LIPC: variants seen among roughly 807,000 people sequenced by gnomAD.
LIPC encodes the protein lipase C, hepatic type.
Under a neutral mutation model 50.7 loss-of-function variants are expected in LIPC, and 44 were observed. That is an observed-to-expected ratio of 0.87 (90% CI 0.68 to 1.11). LIPC has a LOEUF of 1.11. LIPC is among the 50% of genes most tolerant of loss of function. The pLI is 0.00. For missense variants in LIPC, 697 were observed against 648.2 expected, an observed-to-expected ratio of 1.08 and a Z score of -0.82; for synonymous variants, 271 against 256.4, an observed-to-expected ratio of 1.06 and a Z score of -0.54.
chr15:58,506,622 A>ACAGACT (rs1453338589), intron 1 of LIPC, among the ~76,000 whole-genome samples: 1 of 152,180 alleles, frequency 6.6e-6, no homozygotes, highest in Non-Finnish European at 1.5e-5. Context: ...TCTACATGAT[A>ACAGACT]CAGACTGCTG....
In LIPC at chr15:58,459,183, G is replaced by T. The variant is rs567000440; in HGVS notation, c.88+27063G>T. Among the ~76,000 whole-genome samples, 7 of 152,272 alleles carry T rather than the reference G, an allele frequency of 4.6e-5. No homozygotes were observed. The South Asian group carries it at 6.2e-4, about 14-fold the overall frequency. On this transcript the variant is annotated intron_variant, in intron 1 of 8. Coordinates refer to ENST00000299022, the MANE Select transcript of LIPC (RefSeq NM_000236.3). Reference sequence around the variant, plus strand: ...AAAACCAAAGGCCCAGTGGACATCAGGAGGAGATGGCCTCCCTCACTGCAA... The same window carrying T: ...AAAACCAAAGGCCCAGTGGACATCATGAGGAGATGGCCTCCCTCACTGCAA...
At position 58,503,937 on chromosome 15, in the gene LIPC, C is replaced by G. The variant is rs569762418; in HGVS notation, c.89-34396C>G. 3.9e-5 allele frequency among the ~76,000 whole-genome samples: 6 copies of G among 151,908 alleles called. No individual in the cohort carries two copies. In the South Asian group the frequency reaches 1.2e-3, roughly 31 times the overall value. On this transcript the variant is annotated intron_variant, in intron 1 of 8. Coordinates refer to ENST00000299022, the MANE Select transcript of LIPC (RefSeq NM_000236.3). ...CCCCCACCCAAACACACACACTGCACCAGTCCCGTTTCCTCAGATGGACAT... is the reference window on the plus strand; with the variant it reads ...CCCCCACCCAAACACACACACTGCAGCAGTCCCGTTTCCTCAGATGGACAT...
At chr15:58,468,382 G>T (rs890196307) in intron 1 of LIPC, among the ~76,000 whole-genome samples, 2 of 152,136 alleles carry the variant, frequency 1.3e-5, no homozygotes, top group Admixed American at 6.6e-5. Context: ...ACATGTTAGG[G>T]TCTCACCCCA....
intron 1 of LIPC, among the ~76,000 whole-genome samples, chr15:58,492,435 G>A (rs1363869478): frequency 2.0e-5 from 3 of 152,036 alleles, no homozygotes; most frequent in Admixed American, 2.0e-4. Flanking sequence ...TCTACTATGT[G>A]GCAAGTCTGT....
chr15:58,548,353 T>C lies in LIPC; in HGVS notation c.832T>C (p.Ser278Pro). The C allele has an allele frequency of 6.2e-7, 1 of 1,614,042 alleles. No homozygotes were observed. The highest frequency in any genetic ancestry group is 8.5e-7 in the Non-Finnish European group (1 of 1,179,992). ...FNAITQTIKC[S>P]HERSVHLFID... ...AGCCATCACCCAGACCATAAAATGC[T>C]CCCACGAGCGATCGGTGCACCTTTT... The change falls in exon 6 of 9, where the codon TCC (serine) becomes CCC (proline). Residue 278 changes from serine (S) to proline (P), a missense_variant. Physicochemically the swap from Ser to Pro is moderately conservative, Grantham distance 74. Coordinates refer to ENST00000299022, the MANE Select transcript of LIPC (RefSeq NM_000236.3).
At chr15:58,440,289 G>A (rs1893459397) in intron 1 of LIPC, among the ~76,000 whole-genome samples, 1 of 152,184 alleles carries the variant, frequency 6.6e-6, no homozygotes, top group Non-Finnish European at 1.5e-5. Context: ...TTTCCTATGA[G>A]TGAGGCATTA....
chr15:58,442,943 C>T (rs1460815231), intron 1 of LIPC, among the ~76,000 whole-genome samples: 1 of 152,274 alleles, frequency 6.6e-6, no homozygotes, highest in East Asian at 1.9e-4. Context: ...TTCTGAGTCT[C>T]GCTCTGTTGC....
chr15:58,469,136 G>GTA (rs1461923772), intron 1 of LIPC, among the ~76,000 whole-genome samples: 2 of 149,992 alleles, frequency 1.3e-5, no homozygotes, highest in African/African-American at 5.0e-5. Flanking sequence ...GTGTGTGTGT[G>GTA]TGTGTGTACG....
chr15:58,503,178 G>T (rs538696052), intron 1 of LIPC, among the ~76,000 whole-genome samples: 16 of 151,686 alleles, frequency 1.1e-4, no homozygotes, highest in Admixed American at 1.0e-3. Context: ...TCAAAAAGGG[G>T]GAAACTGAGG....
chr15:58,527,025 C>T (rs1892817315), intron 1 of LIPC, among the ~76,000 whole-genome samples: 1 of 152,202 alleles, frequency 6.6e-6, no homozygotes, highest in Non-Finnish European at 1.5e-5. Context: ...AACCTGGAAA[C>T]TGTCGGGTAC....
chr15:58,553,427 C>T (rs1893829167), intron 6 of LIPC, among the ~76,000 whole-genome samples: 1 of 152,160 alleles, frequency 6.6e-6, no homozygotes, highest in Admixed American at 6.5e-5. Context: ...AAGACGCCAT[C>T]TCTACAAAAG....
intron 1 of LIPC, among the ~76,000 whole-genome samples, chr15:58,515,163 T>G (rs1892447261): frequency 6.6e-6 from 1 of 152,086 alleles, no homozygotes; most frequent in African/African-American, 2.4e-5. Flanking sequence ...ATTGGGCCCA[T>G]TCAAAGAAAC....
At chr15:58,440,012 A>T (rs563131844) in intron 1 of LIPC, among the ~76,000 whole-genome samples, 12 of 152,344 alleles carry the variant, frequency 7.9e-5, no homozygotes, top group Non-Finnish European at 1.0e-4. Context: ...AAGGGGTGAG[A>T]ATCAACATCC....
At chr15:58,442,391 T>C (rs926381462) in intron 1 of LIPC, among the ~76,000 whole-genome samples, 6 of 152,196 alleles carry the variant, frequency 3.9e-5, no homozygotes. Flanking sequence ...AGGACAAAGA[T>C]GGGATTCTGT....
At chr15:58,474,882 C>T (rs575338941) in intron 1 of LIPC, among the ~76,000 whole-genome samples, 1 of 152,324 alleles carries the variant, frequency 6.6e-6, no homozygotes, top group East Asian at 1.9e-4. Flanking sequence ...CCTGACCTGC[C>T]CCATCCCAGA....
At chr15:58,478,195 C>T (rs1192806045) in intron 1 of LIPC, among the ~76,000 whole-genome samples, 1 of 152,176 alleles carries the variant, frequency 6.6e-6, no homozygotes, top group African/African-American at 2.4e-5. Flanking sequence ...ATTTCTTGAG[C>T]TAAGAGCCAG....
chr15:58,456,842 A>G (rs1894137746), intron 1 of LIPC, among the ~76,000 whole-genome samples: 1 of 152,256 alleles, frequency 6.6e-6, no homozygotes, highest in Admixed American at 6.5e-5. Flanking sequence ...ACATATGTTT[A>G]AGTATACTTT....
chr15:58,448,011 A>C (rs991585628), intron 1 of LIPC, among the ~76,000 whole-genome samples: 2 of 152,172 alleles, frequency 1.3e-5, no homozygotes, highest in African/African-American at 4.8e-5. Flanking sequence ...AGTGGGACCT[A>C]AAAAGTTACT....
intron 1 of LIPC, among the ~76,000 whole-genome samples, chr15:58,471,334 G>GGA (rs1555399333): frequency 7.2e-6 from 1 of 138,414 alleles, no homozygotes; most frequent in Non-Finnish European, 1.6e-5. Context: ...GAGATGGGGG[G>GGA]GGGTGGTCTC....
Sources: gnomAD v4.1 joint callset for allele counts (sites outside exome capture counted in the v4.1 genomes callset) on GRCh38, gnomAD v4.1.1 for gene constraint, MANE v1.5 for transcripts, NCBI Gene and HGNC (gene_info 2026-07-23, HGNC 2026-07-21) for gene names.